The following PKM variants were observed in gnomAD, a reference collection of about 807,000 sequenced individuals.
PKM encodes pyruvate kinase M1/2, also known as pyruvate kinase PKM.
Under a neutral mutation model 49.8 loss-of-function variants are expected in PKM, and 18 were observed. The ratio of observed to expected loss-of-function variants is 0.36; its 90% CI spans 0.25 to 0.54. The LOEUF (loss-of-function observed/expected upper bound fraction) is 0.54. PKM is among the 20% of genes least tolerant of loss of function. PKM has a pLI of 0.89. For synonymous variants in PKM, 239 were observed against 261.8 expected (o/e 0.91, Z 0.84); for missense variants, 508 against 713.8 (o/e 0.71, Z 3.28).
intron 2 of PKM, 56 bp downstream of exon 2, chr15:72,218,888 G>A (rs2082443614): frequency 6.4e-7 from 1 of 1,569,786 alleles, no homozygotes; most frequent in Non-Finnish European, 8.8e-7. Flanking sequence ...CTTTTCAGGA[G>A]AGAAAGGTCA....
chr15:72,230,862 G>T (rs1040059939), intron 1 of PKM: 1 of 1,156,432 alleles, frequency 8.6e-7, no homozygotes, highest in Middle Eastern at 2.8e-4. Context: ...CAGAATGAGG[G>T]GGTAGGGCTG....
chr15:72,203,032 C>G, intron 8 of PKM: 1 of 1,614,162 alleles, frequency 6.2e-7, no homozygotes, highest in Non-Finnish European at 8.5e-7. Context: ...CTGCCAGACT[C>G]CGTCAGAACT....
intron 1 of PKM, chr15:72,228,514 C>G: frequency 1.8e-6 from 1 of 541,034 alleles, no homozygotes; most frequent in Non-Finnish European, 3.2e-6. Context: ...TTATCTGACT[C>G]ACTGAAAGGG....
chr15:72,204,717 A>C (rs1262438256), intron 8 of PKM, among the ~76,000 whole-genome samples: 1 of 152,220 alleles, frequency 6.6e-6, no homozygotes, highest in Non-Finnish European at 1.5e-5. Flanking sequence ...TATCTAATCC[A>C]TTTTACAGAT....
chr15:72,204,777 A>G (rs1159685779), intron 8 of PKM, among the ~76,000 whole-genome samples: 1 of 152,238 alleles, frequency 6.6e-6, no homozygotes, highest in African/African-American at 2.4e-5. Context: ...TCAAGTCCCC[A>G]CATTCTATGC....
chr15:72,227,366 G>C (rs2082700875), intron 1 of PKM, among the ~76,000 whole-genome samples: 1 of 152,122 alleles, frequency 6.6e-6, no homozygotes, highest in African/African-American at 2.4e-5. Flanking sequence ...CAGAAAGAAG[G>C]GTAATGTCAA....
chr15:72,221,094 G>T, intron 1 of PKM: 1 of 820,876 alleles, frequency 1.2e-6, no homozygotes, highest in Non-Finnish European at 2.0e-6. Context: ...ACCATCAGCT[G>T]GCTCTTCTTA....
intron 3 of PKM, among the ~76,000 whole-genome samples, chr15:72,212,207 T>C (rs1394082884): frequency 4.6e-5 from 7 of 152,210 alleles, no homozygotes; most frequent in Non-Finnish European, 8.8e-5. Flanking sequence ...CTGGGCGCGG[T>C]GGCTCACACC....
intron 6 of PKM, among the ~76,000 whole-genome samples, chr15:72,208,097 T>C (rs1023714508): frequency 1.3e-5 from 2 of 152,218 alleles, no homozygotes; most frequent in East Asian, 3.8e-4. Flanking sequence ...GAGAGTGGAA[T>C]GGACCATACC....
At chr15:72,209,413 A>ATATATATG (rs1555440583) in intron 5 of PKM, 1 of 24,912 alleles carries the variant, frequency 4.0e-5, no homozygotes, top group African/African-American at 1.0e-4. Context: ...ATATATATAT[A>ATATATATG]TATATATATA....
intron 1 of PKM, chr15:72,230,831 G>A: frequency 1.2e-6 from 1 of 811,238 alleles, no homozygotes; most frequent in Non-Finnish European, 1.8e-6. Flanking sequence ...GAGGATTGGG[G>A]CAGGAGGAAG....
intron 1 of PKM, among the ~76,000 whole-genome samples, chr15:72,224,658 T>G (rs2082613249): frequency 6.6e-6 from 1 of 151,594 alleles, no homozygotes. Context: ...AGGCTAAGAG[T>G]TCGAGACCAG....
At chr15:72,207,790 T>C (rs972764140) in intron 6 of PKM, among the ~76,000 whole-genome samples, 9 of 152,248 alleles carry the variant, frequency 5.9e-5, no homozygotes, top group Non-Finnish European at 1.0e-4. Context: ...AGCTAGCCTA[T>C]GGCTTATCAG....
intron 3 of PKM, among the ~76,000 whole-genome samples, chr15:72,216,214 C>CT (rs1235549677): frequency 6.6e-6 from 1 of 152,224 alleles, no homozygotes; most frequent in Non-Finnish European, 1.5e-5. Context: ...TTTCTTTACT[C>CT]TCAACAGGAA....
intron 1 of PKM, among the ~76,000 whole-genome samples, chr15:72,219,880 TC>T (rs1486677211): frequency 6.6e-6 from 1 of 152,202 alleles, no homozygotes; most frequent in Non-Finnish European, 1.5e-5. Context: ...TTGATACACA[TC>T]CTGATTTCTT....
chr15:72,206,770 G>T lies in PKM; in HGVS notation c.1098C>A (p.Ala366=), dbSNP rs752372725. 11 of 1,613,862 alleles carry T rather than the reference G, an allele frequency of 6.8e-6. No individual in the cohort carries two copies. The South Asian group carries it at 1.2e-4, about 18-fold the overall frequency. The change falls in exon 8 of 11, where the codon GCC becomes GCA. Residue 366 remains alanine, a synonymous_variant. Coordinates refer to ENST00000335181, the MANE Select transcript of PKM (RefSeq NM_002654.6). ...ADCIMLSGET[A]KGDYPLEAVR... ...CAGCCTCCAGAGGATAGTCCCCTTT[G>T]GCTGTTTCTCCAGACAGCATGATGC... is the stretch of plus-strand genomic sequence containing the variant.
chr15:72,221,070 C>T (rs1432488600), intron 1 of PKM: 4 of 738,140 alleles, frequency 5.4e-6, no homozygotes, highest in Admixed American at 2.0e-5. Context: ...TAACTAATTC[C>T]ACTCTTTTTA....
intron 1 of PKM, 80 bp from the exon 2 acceptor site, chr15:72,219,190 G>T: frequency 7.7e-7 from 1 of 1,305,844 alleles, no homozygotes. Flanking sequence ...GCTGTCTCCT[G>T]CTTACACATT....
intron 3 of PKM, among the ~76,000 whole-genome samples, chr15:72,212,085 C>T (rs1370753241): frequency 6.6e-6 from 1 of 152,170 alleles, no homozygotes; most frequent in East Asian, 1.9e-4. Flanking sequence ...GGCATACTTC[C>T]TAATGACAGA....
Sources: gnomAD v4.1 joint callset for allele counts (sites outside exome capture counted in the v4.1 genomes callset) on GRCh38, gnomAD v4.1.1 for gene constraint, MANE v1.5 for transcripts, NCBI Gene and HGNC (gene_info 2026-07-23, HGNC 2026-07-21) for gene names.